Variants in USP45 observed in about 807,000 individuals in gnomAD.
USP45 encodes ubiquitin carboxyl-terminal hydrolase 45.
A neutral mutation model predicts 95.8 loss-of-function variants in USP45; 89 were observed. That is an observed-to-expected ratio of 0.93 (90% CI 0.78 to 1.11). The LOEUF is 1.11. Ranked by LOEUF, USP45 falls within the 50% of genes least tolerant of loss-of-function variation. The pLI is 0.00. For missense variants in USP45, 898 were observed against 942.5 expected (o/e 0.95, Z 0.62); for synonymous variants, 281 against 316.2 (o/e 0.89, Z 1.18).
chr6:99,478,220 GTTTTTTTTTTTT>G (rs71021740), intron 8 of USP45, among the ~76,000 whole-genome samples: 1 of 99,454 alleles, frequency 1.0e-5, no homozygotes, highest in Non-Finnish European at 1.9e-5. Context: ...ACTTAGATTT[GTTTTTTTTTTTT>G]TTTTTTTTTT....
At chr6:99,484,615 T>C (rs559182485) in intron 7 of USP45, among the ~76,000 whole-genome samples, 5 of 152,050 alleles carry the variant, frequency 3.3e-5, no homozygotes, top group African/African-American at 9.6e-5. Context: ...TTGGGCAACA[T>C]AGGGAGACTC....
chr6:99,448,381 C>T (rs1783020660), intron 13 of USP45, among the ~76,000 whole-genome samples: 1 of 152,192 alleles, frequency 6.6e-6, no homozygotes, highest in East Asian at 1.9e-4. Context: ...GACAGGAGAA[C>T]TACGTGACAA....
At chr6:99,511,883 A>T (rs2128823173) in intron 1 of USP45, among the ~76,000 whole-genome samples, 1 of 144,086 alleles carries the variant, frequency 6.9e-6, no homozygotes, top group South Asian at 2.2e-4. Context: ...ATATATATAT[A>T]TATACACATA....
intron 13 of USP45, chr6:99,462,344 G>T: frequency 1.0e-6 from 1 of 984,980 alleles, no homozygotes; most frequent in Non-Finnish European, 1.2e-6. Context: ...TGTGTGGAAA[G>T]TATTTCTCTC....
chr6:99,486,583 G>A (rs13201542), intron 7 of USP45, among the ~76,000 whole-genome samples: 12,865 of 149,546 alleles, frequency 0.086, 599 homozygotes, highest in East Asian at 0.14. Context: ...ATATATATAT[G>A]GTAAACATTT....
At chr6:99,436,368 A>G (rs374383805) in intron 17 of USP45, among the ~76,000 whole-genome samples, 51 of 152,144 alleles carry the variant, frequency 3.4e-4, no homozygotes, top group African/African-American at 1.1e-3. Flanking sequence ...CCCAGCCAAC[A>G]TGGTGAAACC....
At chr6:99,449,223 A>C (rs1783267948) in intron 13 of USP45, among the ~76,000 whole-genome samples, 1 of 152,188 alleles carries the variant, frequency 6.6e-6, no homozygotes, top group Non-Finnish European at 1.5e-5. Context: ...ATACAGACTG[A>C]AAAACTGCAT....
At chr6:99,480,772 T>C (rs1792201655) in intron 8 of USP45, among the ~76,000 whole-genome samples, 1 of 152,086 alleles carries the variant, frequency 6.6e-6, no homozygotes, top group Non-Finnish European at 1.5e-5. Context: ...ATCAAGACAG[T>C]GTAGGCTTTG....
intron 16 of USP45, 30 bp from the exon 17 acceptor site, chr6:99,437,429 G>A: frequency 6.4e-7 from 1 of 1,556,912 alleles, no homozygotes; most frequent in Non-Finnish European, 8.6e-7. Flanking sequence ...ACCCAAATTA[G>A]TAATATTTGT....
chr6:99,482,778 C>T lies in USP45; in HGVS notation c.820G>A (p.Val274Ile), dbSNP rs772819315. Residue 274 changes from valine to isoleucine, a missense_variant, in exon 8 of 18, where the codon GTT (valine) becomes ATT (isoleucine). Transcript: ENST00000500704. ...ETEKGPLSPK[V>I]LFNQLCQKAP... The stretch of plus-strand genomic sequence containing the variant: ...TTCTGACAAAGCTGATTAAAAAGAA[C>T]TTTAGGAGAAAGTGGTCCTTTTTCA... 1 of 1,604,604 alleles carries T rather than the reference C, an allele frequency of 6.2e-7. No individual in the cohort carries two copies. Among genetic ancestry groups the T allele is most frequent in the South Asian group, 1.1e-5 (1 of 88,684 alleles).
upstream of USP45, among the ~76,000 whole-genome samples, chr6:99,516,830 T>C (rs1430715676): frequency 1.3e-5 from 2 of 152,210 alleles, no homozygotes; most frequent in African/African-American, 2.4e-5. Context: ...TGCATCTTAA[T>C]TGTGTCACTG....
At chr6:99,488,093 C>T in intron 7 of USP45, 107 bp downstream of exon 7, 2 of 681,648 alleles carry the variant, frequency 2.9e-6, no homozygotes, top group East Asian at 2.9e-5. Context: ...ATTTTTAAGC[C>T]CCCTGGCTAC....
At chr6:99,449,936 T>G (rs974541859) in intron 13 of USP45, among the ~76,000 whole-genome samples, 75 of 152,306 alleles carry the variant, frequency 4.9e-4, no homozygotes, top group Admixed American at 3.7e-3. Context: ...GACTACTGGT[T>G]ACATAACGAA....
At chr6:99,507,564 T>A in intron 3 of USP45, 33 bp from the exon 4 acceptor site, 3 of 1,367,462 alleles carry the variant, frequency 2.2e-6, no homozygotes, top group Non-Finnish European at 3.1e-6. Flanking sequence ...TTTGTATGAC[T>A]TACAAATGTT....
At chr6:99,464,498 G>C in intron 13 of USP45, 106 bp downstream of exon 13, 1 of 1,254,632 alleles carries the variant, frequency 8.0e-7, no homozygotes. Context: ...CAAAAAATGG[G>C]TACATGAGAG....
At chr6:99,469,936 A>G (rs1299254012) in intron 9 of USP45, among the ~76,000 whole-genome samples, 1 of 152,184 alleles carries the variant, frequency 6.6e-6, no homozygotes, top group Non-Finnish European at 1.5e-5. Context: ...GTGAAAAAAG[A>G]CAAAGTACAA....
chr6:99,454,428 C>T (rs1348731364), intron 13 of USP45, among the ~76,000 whole-genome samples: 1 of 152,106 alleles, frequency 6.6e-6, no homozygotes, highest in Non-Finnish European at 1.5e-5. Context: ...CTCAAAAGCA[C>T]AGGCAACAAA....
intron 1 of USP45, among the ~76,000 whole-genome samples, chr6:99,512,884 A>G (rs567454725): frequency 6.6e-6 from 1 of 152,262 alleles, no homozygotes; most frequent in East Asian, 1.9e-4. Context: ...CCCTTCTCTG[A>G]CAGCAACTTC....
chr6:99,442,835 G>A (rs1303397837), intron 15 of USP45, among the ~76,000 whole-genome samples: 1 of 151,512 alleles, frequency 6.6e-6, no homozygotes, highest in Admixed American at 6.6e-5. Flanking sequence ...AACAGAGGGA[G>A]ATTCTCTCCT....
Sources: allele counts gnomAD v4.1 joint callset (sites outside exome capture counted in the v4.1 genomes callset), GRCh38; gene constraint gnomAD v4.1.1; transcripts MANE v1.5; gene names NCBI Gene and HGNC (gene_info 2026-07-23, HGNC 2026-07-21).